The following OSBPL10 variants were observed in gnomAD, a reference collection of about 807,000 sequenced individuals.
The protein encoded by OSBPL10 is oxysterol binding protein like 10.
Under a neutral mutation model 81.7 loss-of-function variants are expected in OSBPL10, and 49 were observed. The ratio of observed to expected loss-of-function variants is 0.60; its 90% confidence interval spans 0.48 to 0.76. OSBPL10 has a LOEUF of 0.76. OSBPL10 is among the 30% of genes least tolerant of loss of function. The probability of loss-of-function intolerance (pLI) is 0.00; values close to 1 mark genes in which losing one functional copy is unlikely to be tolerated. For synonymous variants in OSBPL10, 419 were observed against 383.6 expected (o/e 1.09, Z -1.08); for missense variants, 923 against 987.8 (o/e 0.93, Z 0.88).
In OSBPL10 at chr3:31,830,118, T is replaced by C; in HGVS notation, c.651A>G (p.Thr217=). The C allele has an allele frequency of 6.2e-7, 1 of 1,614,138 alleles. No individual in the cohort carries two copies. Among genetic ancestry groups the C allele is most frequent in the Non-Finnish European group, 8.5e-7 (1 of 1,180,014 alleles). ...HLSVGAPGVV[T]ITHHKSPAAA... ...CTGCAGGCGACTTGTGATGCGTGAT[T>C]GTGACAACACCGGGGGCCCCCACAC... Residue 217 remains threonine, a synonymous_variant, in exon 4 of 12, where the codon ACA becomes ACG. Coordinates refer to ENST00000396556, the MANE Select transcript of OSBPL10 (RefSeq NM_017784.5).
chr3:31,698,262 C>A (rs1164925141), intron 7 of OSBPL10, among the ~76,000 whole-genome samples: 1 of 151,744 alleles, frequency 6.6e-6, no homozygotes, highest in African/African-American at 2.4e-5. Context: ...CCAGCCTGGG[C>A]AACATGGTGA....
At chr3:31,781,501 T>C (rs992298332) in intron 4 of OSBPL10, among the ~76,000 whole-genome samples, 3 of 152,126 alleles carry the variant, frequency 2.0e-5, no homozygotes, top group East Asian at 1.9e-4. Flanking sequence ...GGTATCCAAA[T>C]TGGTAAAGAG....
intron 1 of OSBPL10, among the ~76,000 whole-genome samples, chr3:32,068,671 C>A (rs528732667): frequency 1.3e-5 from 2 of 152,130 alleles, no homozygotes; most frequent in Admixed American, 6.6e-5. Context: ...AGACCTAGAT[C>A]ATTTTTGTCG....
At chr3:31,862,807 C>T (rs1163850220) in intron 3 of OSBPL10, among the ~76,000 whole-genome samples, 1 of 152,164 alleles carries the variant, frequency 6.6e-6, no homozygotes, top group African/African-American at 2.4e-5. Flanking sequence ...GAACCCTATA[C>T]ATTGCTGATA....
chr3:32,013,943 GC>G (rs1699288731), intron 2 of OSBPL10, among the ~76,000 whole-genome samples: 2 of 152,190 alleles, frequency 1.3e-5, no homozygotes, highest in African/African-American at 4.8e-5. Context: ...TGAAATTGAG[GC>G]AATAATTAAT....
intron 4 of OSBPL10, among the ~76,000 whole-genome samples, chr3:31,762,212 T>C (rs1011090622): frequency 6.6e-6 from 1 of 152,176 alleles, no homozygotes; most frequent in Admixed American, 6.5e-5. Flanking sequence ...TAACCCAGCA[T>C]TTAGCTCAAG....
In OSBPL10 at chr3:31,733,284, G is replaced by A. The variant is rs377342637; in HGVS notation, c.1068C>T (p.Asp356=). 66 of 1,612,970 alleles carry A rather than the reference G, an allele frequency of 4.1e-5. No individual in the cohort carries two copies. The East Asian group carries it at 1.2e-3, about 29-fold the overall frequency. ...CTGGCTCTGGCTGTGAGGTTTGTTC[G>A]TCTTCAGCAGAGTTTGGTAAAATTG... ...TWAILPNSAE[D]EQTSQPEPEP... Residue 356 remains aspartate (D), a synonymous_variant, in exon 6 of 12, where the codon GAC becomes GAT. Coordinates refer to ENST00000396556, the MANE Select transcript of OSBPL10 (RefSeq NM_017784.5).
chr3:31,737,588 GA>G (rs1219629593), intron 5 of OSBPL10, among the ~76,000 whole-genome samples: 2 of 152,110 alleles, frequency 1.3e-5, no homozygotes, highest in African/African-American at 4.8e-5. Flanking sequence ...CTGAGAACAG[GA>G]AATAGTGGAA....
intron 4 of OSBPL10, among the ~76,000 whole-genome samples, chr3:31,758,611 G>A (rs749563206): frequency 6.6e-6 from 1 of 152,196 alleles, no homozygotes; most frequent in Non-Finnish European, 1.5e-5. Flanking sequence ...CACGAGAGTG[G>A]TTCTGGCCAG....
At position 31,661,981 on chromosome 3, in the gene OSBPL10, T is replaced by G; in HGVS notation, c.*91A>C. 6.5e-7 allele frequency: 1 copy of G among 1,540,520 alleles called. No homozygotes were observed. Among genetic ancestry groups the G allele is most frequent in the Non-Finnish European group, 8.8e-7 (1 of 1,134,392 alleles). ...ATTTCTTGGATGCTAATACAAGGTC[T>G]CAGTGAATGCCAACAAAACCCTGAT... is the stretch of plus-strand genomic sequence containing the variant. On this transcript the variant is annotated 3_prime_UTR_variant, in exon 12 of 12. Coordinates refer to ENST00000396556, the MANE Select transcript of OSBPL10 (RefSeq NM_017784.5).
At chr3:31,876,614 TG>T in intron 2 of OSBPL10, 102 bp from the exon 3 acceptor site, 1 of 920,922 alleles carries the variant, frequency 1.1e-6, no homozygotes, top group Non-Finnish European at 1.7e-6. Context: ...GCCTGGGGAG[TG>T]AGAGGTAGCA....
At chr3:31,807,377 A>ATAAC (rs1699546365) in intron 4 of OSBPL10, among the ~76,000 whole-genome samples, 1 of 125,442 alleles carries the variant, frequency 8.0e-6, no homozygotes, top group South Asian at 2.7e-4. Flanking sequence ...TCTCAGAAAA[A>ATAAC]TAAATAAATA....
At chr3:31,727,800 A>G (rs978429941) in intron 6 of OSBPL10, among the ~76,000 whole-genome samples, 2 of 152,202 alleles carry the variant, frequency 1.3e-5, no homozygotes, top group African/African-American at 4.8e-5. Context: ...CCCAACCAAC[A>G]TCTACCTATA....
chr3:32,075,768 G>A lies in OSBPL10; in HGVS notation n.185+1628C>T, dbSNP rs138483388. 7.0e-3 allele frequency among the ~76,000 whole-genome samples: 1,059 copies of A among 152,238 alleles called. 11 individuals carry two copies. Among genetic ancestry groups the A allele is most frequent in the African/African-American group, 0.024 (1,012 of 41,524 alleles). On this transcript the variant is annotated intron_variant and non_coding_transcript_variant, in intron 1 of 3. Coordinates refer to the OSBPL10 transcript ENST00000479173. ...TTTGCTTTTCTTATTAATATAAGAA[G>A]ACAGGAATGTCAGGCCTCTGAGCCC... is the stretch of plus-strand genomic sequence containing the variant.
intron 1 of OSBPL10, among the ~76,000 whole-genome samples, chr3:32,060,033 T>TTGG (rs1287749654): frequency 1.3e-5 from 2 of 152,168 alleles, no homozygotes; most frequent in African/African-American, 4.8e-5. Flanking sequence ...TGTGATCTGG[T>TTGG]TGGTGGTTAC....
At chr3:31,930,361 T>G (rs1458466725) in intron 1 of OSBPL10, among the ~76,000 whole-genome samples, 5 of 152,336 alleles carry the variant, frequency 3.3e-5, no homozygotes, top group Non-Finnish European at 7.3e-5. Flanking sequence ...GCACTTTCTA[T>G]TTTGCTAATG....
chr3:31,892,807 G>A (rs944072576), intron 1 of OSBPL10, among the ~76,000 whole-genome samples: 1 of 152,180 alleles, frequency 6.6e-6, no homozygotes, highest in African/African-American at 2.4e-5. Context: ...GGAAGACCAG[G>A]GGCTCCACTG....
At chr3:32,047,055 A>G (rs1246640802) in intron 1 of OSBPL10, among the ~76,000 whole-genome samples, 2 of 152,164 alleles carry the variant, frequency 1.3e-5, no homozygotes, top group Non-Finnish European at 2.9e-5. Flanking sequence ...GCTGGAGTGC[A>G]GTGGCACGAT....
intron 4 of OSBPL10, among the ~76,000 whole-genome samples, chr3:31,777,854 C>T (rs1018128773): frequency 1.3e-5 from 2 of 152,218 alleles, no homozygotes; most frequent in Non-Finnish European, 2.9e-5. Context: ...GCCTTTTAGG[C>T]ACTCCCATTC....
Sources: gnomAD v4.1 joint callset for allele counts (sites outside exome capture counted in the v4.1 genomes callset) on GRCh38, gnomAD v4.1.1 for gene constraint, MANE v1.5 for transcripts, NCBI Gene and HGNC (gene_info 2026-07-23, HGNC 2026-07-21) for gene names.